The following SKIL variants were observed in gnomAD, a reference collection of about 807,000 sequenced individuals.
SKIL encodes the protein SKI like proto-oncogene, also known as ski-like protein.
In SKIL, 20 loss-of-function variants were observed where a neutral mutation model predicts 69.6. The observed-to-expected ratio is 0.29, with a 90% CI of 0.20 to 0.42. The LOEUF (loss-of-function observed/expected upper bound fraction) is 0.42. Among genes scored for constraint, SKIL ranks in the 10% least tolerant of loss-of-function variants. The probability of loss-of-function intolerance (pLI) is 1.00; values close to 1 mark genes in which losing one functional copy is unlikely to be tolerated. For missense variants in SKIL, 745 were observed against 783.1 expected (o/e 0.95, Z 0.58); for synonymous variants, 310 against 279.9 (o/e 1.11, Z -1.08).
intron 2 of SKIL, among the ~76,000 whole-genome samples, chr3:170,371,362 C>T (rs1177936706): frequency 6.6e-6 from 1 of 152,048 alleles, no homozygotes; most frequent in Non-Finnish European, 1.5e-5. Flanking sequence ...AAAAAAATAG[C>T]TGGGCATGGT....
chr3:170,375,592 C>T (rs549925305), intron 2 of SKIL, among the ~76,000 whole-genome samples: 287 of 151,722 alleles, frequency 1.9e-3, no homozygotes, highest in African/African-American at 6.7e-3. Flanking sequence ...TTTCTTTTTT[C>T]GAGACAAGCC....
Position 170,372,092 on chromosome 3 carries a change from A to G in SKIL, c.1099-9152A>G, listed in dbSNP as rs182084098. 2.8e-3 allele frequency among the ~76,000 whole-genome samples: 429 copies of G among 152,346 alleles called. 1 individual carries two copies. The highest frequency in any genetic ancestry group is 4.6e-3 in the Non-Finnish European group (313 of 68,042). On this transcript the variant is annotated intron_variant, in intron 2 of 6. Transcript: ENST00000259119. ...TAATGTGTATGACACTGAGATTTCC[A>G]TGTAGTTGCAGTATTAAGTTTATTG...
chr3:170,360,924 C>T lies in SKIL; in HGVS notation c.593C>T (p.Thr198Ile), dbSNP rs773956003. 1.9e-6 allele frequency: 3 copies of T among 1,614,188 alleles called. No individual in the cohort carries two copies. Among genetic ancestry groups the T allele is most frequent in the Non-Finnish European group, 2.5e-6 (3 of 1,180,038 alleles). ...CTGTACATATATTGTTCAAGGTGTA[C>T]TTCAGACCAGCTTCATATCTTAAAG... ...DELYIYCSRCTSDQLHILKVL... is the reference protein window; with the variant it reads ...DELYIYCSRCISDQLHILKVL... Residue 198 changes from threonine (T) to isoleucine (I), a missense_variant, in exon 2 of 7, where the codon ACT becomes ATT. Physicochemically the swap from Thr to Ile is moderately conservative, Grantham distance 89. Coordinates refer to ENST00000259119, the MANE Select transcript of SKIL (RefSeq NM_005414.5).
intron 3 of SKIL, among the ~76,000 whole-genome samples, chr3:170,384,195 A>G (rs1737500967): frequency 6.6e-6 from 1 of 152,000 alleles, no homozygotes; most frequent in Admixed American, 6.6e-5. Flanking sequence ...CTAAAAAAAA[A>G]TGGGTATGTG....
chr3:170,381,189 ATTAACCTTCACAGT>A (rs1737323304), intron 2 of SKIL, 41 bp from the exon 3 acceptor site: 1 of 978,880 alleles, frequency 1.0e-6, no homozygotes, highest in Admixed American at 1.7e-5. Context: ...GACACATAAA[ATTAACCTTCACAGT>A]TTTACTTCAA....
chr3:170,369,118 A>C (rs1736676528), intron 2 of SKIL, among the ~76,000 whole-genome samples: 1 of 133,810 alleles, frequency 7.5e-6, no homozygotes, highest in Admixed American at 8.0e-5. Flanking sequence ...AAATCTGTAG[A>C]GTGGCTTTGC....
In SKIL at chr3:170,384,581, T is replaced by A. The variant is rs373705278; in HGVS notation, c.1245T>A (p.Leu415=). ...CDKVVAPNVS[L]TSAVSQSKEL... ...AAGTGGTTGCCCCAAATGTGTCACT[T>A]ACTTCTGCTGTATCCCAGTCTAAAG... Residue 415 remains leucine, a synonymous_variant, in exon 4 of 7, where the codon CTT becomes CTA. Transcript: ENST00000259119. 1 of 1,612,426 alleles carries A rather than the reference T, an allele frequency of 6.2e-7. No individual in the cohort carries two copies. The highest frequency in any genetic ancestry group is 8.5e-7 in the Non-Finnish European group (1 of 1,179,072).
rs760797890 is a variant in SKIL at position 170,391,080 on chromosome 3, TGAA to T, written c.1720_1722del (p.Glu574del). On this transcript the variant is annotated inframe_deletion, in exon 6 of 7. Coordinates refer to ENST00000259119, the MANE Select transcript of SKIL (RefSeq NM_005414.5). ...GTTCAAAATCTATGAAGGAACTCAC[TGAA>T]GAACAGCAGAATTTACAGAAAGAGC... The T allele has an allele frequency of 1.2e-6, 2 of 1,607,828 alleles. No individual in the cohort carries two copies. The highest frequency in any genetic ancestry group is 1.7e-5 in the Admixed American group (1 of 59,946).
At chr3:170,391,324 CTT>C (rs879356232) in intron 6 of SKIL, 64 bp downstream of exon 6, 1,345 of 728,140 alleles carry the variant, frequency 1.8e-3, no homozygotes, top group South Asian at 2.2e-3. Flanking sequence ...TTACTTCTCT[CTT>C]TTTTTTTTTT....
At chr3:170,390,634 G>A (rs1577448586) in intron 5 of SKIL, among the ~76,000 whole-genome samples, 170 bp downstream of exon 5, 1 of 152,068 alleles carries the variant, frequency 6.6e-6, no homozygotes, top group African/African-American at 2.4e-5. Context: ...TTACAGGCAC[G>A]TGCCACCATG....
At chr3:170,375,636 G>A (rs529326248) in intron 2 of SKIL, among the ~76,000 whole-genome samples, 1 of 152,288 alleles carries the variant, frequency 6.6e-6, no homozygotes, top group Non-Finnish European at 1.5e-5. Flanking sequence ...TGCAGTGGCA[G>A]GATCATAGCT....
At position 170,361,558 on chromosome 3, in the gene SKIL, A is replaced by T. The variant is rs1736235231; in HGVS notation, c.1098+129A>T. On this transcript the variant is annotated intron_variant, in intron 2 of 6. Transcript: ENST00000259119. ...CAACAACAACAAAATACCGATTGAT[A>T]TATTTGTATTGCAGTTTTTAGGCCA... 18 of 755,778 alleles carry T rather than the reference A, an allele frequency of 2.4e-5. 1 individual carries two copies. The South Asian group carries it at 3.4e-4, about 14-fold the overall frequency. The allele number at this position is 755,778 out of a possible 1,614,324, so 46.8% of individuals were successfully genotyped here.
intron 2 of SKIL, among the ~76,000 whole-genome samples, chr3:170,376,118 G>A (rs978407855): frequency 7.2e-5 from 10 of 138,484 alleles, no homozygotes; most frequent in Admixed American, 5.7e-4. Flanking sequence ...CGCAATCTCA[G>A]CTCACTGCAA....
At chr3:170,383,870 A>T (rs1158576675) in intron 3 of SKIL, among the ~76,000 whole-genome samples, 1 of 152,040 alleles carries the variant, frequency 6.6e-6, no homozygotes, top group Non-Finnish European at 1.5e-5. Context: ...AAGTCCTCCA[A>T]AGTAGTTATA....
Position 170,392,573 on chromosome 3 carries a change from T to C in SKIL, c.*156T>C. On this transcript the variant is annotated 3_prime_UTR_variant, in exon 7 of 7. Coordinates refer to ENST00000259119, the MANE Select transcript of SKIL (RefSeq NM_005414.5). ...AGAAAGTGAAGAGATTATATATTAG[T>C]ACTTAAATTTTTACATTTTCCAAAT... 2.3e-6 allele frequency: 1 copy of C among 434,014 alleles called. No homozygotes were observed. The highest frequency in any genetic ancestry group is 4.1e-6 in the Non-Finnish European group (1 of 241,754). The allele number at this position is 434,014 out of a possible 1,614,324, so 26.9% of individuals were successfully genotyped here.
intron 3 of SKIL, among the ~76,000 whole-genome samples, chr3:170,382,532 G>A (rs541585875): frequency 6.8e-6 from 1 of 147,296 alleles, no homozygotes; most frequent in African/African-American, 2.5e-5. Context: ...CTCTTGTCAT[G>A]GCATCCTGTA....
chr3:170,390,918 A>G lies in SKIL; in HGVS notation c.1672-118A>G, dbSNP rs983759875. 1.0e-4 allele frequency: 65 copies of G among 627,476 alleles called. No homozygotes were observed. The African/African-American group carries it at 1.1e-3, about 10-fold the overall frequency. 38.9% of individuals were successfully genotyped at this position (627,476 alleles called of 1,614,324 possible). On this transcript the variant is annotated intron_variant, in intron 5 of 6. Transcript: ENST00000259119. ...AGTTTTTTAAAATAATTACCTCTAT[A>G]TAGAACTGATAATGATAGCTGAATT...
intron 2 of SKIL, among the ~76,000 whole-genome samples, chr3:170,364,736 A>G (rs1005507852): frequency 6.6e-6 from 1 of 152,202 alleles, no homozygotes; most frequent in African/African-American, 2.4e-5. Context: ...AAGGTTTAAA[A>G]AAAAAAAGAT....
At position 170,381,307 on chromosome 3, in the gene SKIL, C is replaced by A; in HGVS notation, c.1162C>A (p.His388Asn). The change falls in exon 3 of 7, where the codon CAT becomes AAT. Residue 388 changes from histidine to asparagine, a missense_variant. Transcript: ENST00000259119. The stretch of plus-strand genomic sequence containing the variant: ...TCCTGTTATAAAGCAGGAAGGTGAC[C>A]ATGTTTCTCAGACACATTCATTTTT... ...WYPVIKQEGD[H>N]VSQTHSFLHP... 6.3e-7 allele frequency: 1 copy of A among 1,593,294 alleles called. No individual in the cohort carries two copies. The highest frequency in any genetic ancestry group is 1.1e-5 in the South Asian group (1 of 90,664).
Sources: gnomAD v4.1 joint callset for allele counts (sites outside exome capture counted in the v4.1 genomes callset) on GRCh38, gnomAD v4.1.1 for gene constraint, MANE v1.5 for transcripts, NCBI Gene and HGNC (gene_info 2026-07-23, HGNC 2026-07-21) for gene names.